Variants in SGTA observed in about 807,000 individuals in gnomAD.
The protein encoded by SGTA is small glutamine rich tetratricopeptide repeat co-chaperone alpha, also known as small glutamine-rich tetratricopeptide repeat-containing protein alpha.
In SGTA, 22 loss-of-function variants were observed where a neutral mutation model predicts 44.3. The ratio of observed to expected loss-of-function variants is 0.50; its 90% CI spans 0.36 to 0.71. The LOEUF is 0.71. Among genes scored for constraint, SGTA ranks in the 30% least tolerant of loss-of-function variants. The pLI is 0.00. For missense variants in SGTA, 341 were observed against 435.9 expected (o/e 0.78, Z 1.94); for synonymous variants, 174 against 177.6 (o/e 0.98, Z 0.16).
rs1915059515 is a variant in SGTA at position 2,763,536 on chromosome 19, A to C, written c.497+117T>G. 1 of 687,480 alleles carries C rather than the reference A, an allele frequency of 1.5e-6. No individual in the cohort carries two copies. Among genetic ancestry groups the C allele is most frequent in the Non-Finnish European group, 2.5e-6 (1 of 405,822 alleles). 42.6% of individuals were successfully genotyped at this position (687,480 alleles called of 1,614,324 possible). ...AACAGCTAGTGTCAGAGTTGAACTG[A>C]ACCGGGGTGGGAGAATTCGTTGTGG... On this transcript the variant is annotated intron_variant, in intron 6 of 11. Transcript: ENST00000221566. This position sits in a 1 kb window ranked among gnomAD's most constrained non-coding sequence, Gnocchi z 5.8.
In SGTA at chr19:2,774,322, G is replaced by A. The variant is rs149541018; in HGVS notation, c.-23-5231C>T. Among the ~76,000 whole-genome samples, 44 of 152,290 alleles carry A rather than the reference G, an allele frequency of 2.9e-4. No homozygotes were observed. In the East Asian group the frequency reaches 8.3e-3, roughly 29 times the overall value. ...ATCACATAGACAGGAGAACAAACGG[G>A]CTGTCATCACACGGAAGGGAGCAGT... On this transcript the variant is annotated intron_variant, in intron 1 of 11. Transcript: ENST00000221566.
chr19:2,759,130 G>C (rs1914912343), intron 9 of SGTA, 127 bp downstream of exon 9: 2 of 801,516 alleles, frequency 2.5e-6, no homozygotes, highest in East Asian at 4.9e-5. Context: ...TTGCATGACA[G>C]TGTGAAAGTC....
chr19:2,767,306 G>A lies in SGTA; in HGVS notation c.208-86C>T. Reference sequence around the variant, plus strand: ...TTAGCTTCCCTCGGGACGCCAGAGAGGGCCACCAAGTTCCGAAGGACCCGG... The same window carrying A: ...TTAGCTTCCCTCGGGACGCCAGAGAAGGCCACCAAGTTCCGAAGGACCCGG... On this transcript the variant is annotated intron_variant, in intron 3 of 11. Transcript: ENST00000221566. This position sits in a 1 kb window ranked among gnomAD's most constrained non-coding sequence, Gnocchi z 7.3. 3.7e-6 allele frequency: 4 copies of A among 1,092,134 alleles called. No homozygotes were observed. The highest frequency in any genetic ancestry group is 5.3e-6 in the Non-Finnish European group (4 of 748,482). 67.7% of individuals were successfully genotyped at this position (1,092,134 alleles called of 1,614,324 possible).
chr19:2,778,839 AAGG>A (rs937822759), intron 1 of SGTA, among the ~76,000 whole-genome samples: 4 of 152,222 alleles, frequency 2.6e-5, no homozygotes, highest in African/African-American at 9.7e-5. Context: ...GAGAGGGAGC[AAGG>A]AGGTGAATCC....
chr19:2,782,586 G>C (rs1372771904), intron 1 of SGTA: 1 of 152,204 alleles, frequency 6.6e-6, no homozygotes, highest in Non-Finnish European at 1.5e-5. Flanking sequence ...TTACACAGCG[G>C]GTGGGAGGTG....
chr19:2,762,474 G>A (rs762267889), intron 7 of SGTA, 32 bp downstream of exon 7: 30 of 1,611,772 alleles, frequency 1.9e-5, no homozygotes, highest in South Asian at 1.4e-4. Context: ...TCAGCTCGGC[G>A]TTCTGGAGCC....
At chr19:2,762,427 A>T in intron 7 of SGTA, 79 bp downstream of exon 7, 1 of 1,458,842 alleles carries the variant, frequency 6.9e-7, no homozygotes, top group South Asian at 1.2e-5. Flanking sequence ...GCCTAGAGCC[A>T]CTGGTGCGCC....
rs1241277428 is a variant in SGTA at position 2,761,416 on chromosome 19, G to C, written c.699+44C>G. The C allele has an allele frequency of 9.3e-6, 14 of 1,498,154 alleles. No homozygotes were observed. The East Asian group carries it at 1.7e-4, about 18-fold the overall frequency. 92.8% of individuals were successfully genotyped at this position (1,498,154 alleles called of 1,614,324 possible). ...GGACACAGCAGATGCGGGCCTGGGGGGTGGCGCAGACACCATGGACAGGGA... is the reference window on the plus strand; with the variant it reads ...GGACACAGCAGATGCGGGCCTGGGGCGTGGCGCAGACACCATGGACAGGGA... On this transcript the variant is annotated intron_variant, in intron 8 of 11. Coordinates refer to ENST00000221566, the MANE Select transcript of SGTA (RefSeq NM_003021.4). This position sits in a 1 kb window ranked among gnomAD's most constrained non-coding sequence, Gnocchi z 5.7.
intron 1 of SGTA, among the ~76,000 whole-genome samples, chr19:2,771,708 C>T (rs1047700538): frequency 3.3e-5 from 5 of 152,208 alleles, no homozygotes; most frequent in South Asian, 2.1e-4. Context: ...ATTCCAGAAA[C>T]GCTGCCCGGC....
chr19:2,771,755 C>T (rs1915316608), intron 1 of SGTA, among the ~76,000 whole-genome samples: 2 of 152,270 alleles, frequency 1.3e-5, no homozygotes, highest in South Asian at 4.1e-4. Flanking sequence ...AGAACCTGCT[C>T]TGAGGCCAGA....
chr19:2,759,405 C>A (rs1914921400), intron 8 of SGTA, 111 bp from the exon 9 acceptor site: 1 of 975,732 alleles, frequency 1.0e-6, no homozygotes, highest in Non-Finnish European at 1.6e-6. Flanking sequence ...AGCACGCCAA[C>A]CAACAGTAAG....
At chr19:2,779,890 C>T (rs1915532582) in intron 1 of SGTA, among the ~76,000 whole-genome samples, 2 of 151,852 alleles carry the variant, frequency 1.3e-5, no homozygotes, top group African/African-American at 2.4e-5. Flanking sequence ...TTGGGCAATA[C>T]AGTGTATAGT....
chr19:2,767,286 T>G lies in SGTA; in HGVS notation c.208-66A>C. 12 of 1,269,388 alleles carry G rather than the reference T, an allele frequency of 9.5e-6. No homozygotes were observed. Among genetic ancestry groups the G allele is most frequent in the South Asian group, 1.3e-5 (1 of 78,000 alleles). 78.6% of individuals were successfully genotyped at this position (1,269,388 alleles called of 1,614,324 possible). ...CAACCTGGCACCCTCCGGCCTTAGC[T>G]TCCCTCGGGACGCCAGAGAGGGCCA... On this transcript the variant is annotated intron_variant, in intron 3 of 11. Coordinates refer to ENST00000221566, the MANE Select transcript of SGTA (RefSeq NM_003021.4). This position sits in a 1 kb window ranked among gnomAD's most constrained non-coding sequence, Gnocchi z 7.3.
chr19:2,763,680 G>A lies in SGTA; in HGVS notation c.470C>T (p.Ala157Val). ...DCERAICIDP[A>V]YSKAYGRMGL... Reference sequence around the variant, plus strand: ...CATCCTGCCGTAGGCCTTGCTGTAGGCCGGGTCAATGCAGATGGCCCGCTC... The same window carrying A: ...CATCCTGCCGTAGGCCTTGCTGTAGACCGGGTCAATGCAGATGGCCCGCTC... The change falls in exon 6 of 12, where the codon GCC (alanine) becomes GTC (valine). Residue 157 changes from alanine (A) to valine (V), a missense_variant. By Grantham distance (64) the Ala-to-Val change is moderately conservative (BLOSUM62 0). Transcript: ENST00000221566. The surrounding 1 kb of genome is among the most constrained non-coding windows in gnomAD (Gnocchi z 5.8). 6.2e-7 allele frequency: 1 copy of A among 1,613,564 alleles called. No individual in the cohort carries two copies. Among genetic ancestry groups the A allele is most frequent in the Non-Finnish European group, 8.5e-7 (1 of 1,179,820 alleles).
intron 5 of SGTA, among the ~76,000 whole-genome samples, chr19:2,764,784 T>G (rs1015705717): frequency 2.6e-5 from 4 of 152,042 alleles, no homozygotes; most frequent in Non-Finnish European, 4.4e-5. Flanking sequence ...CAGGCTGGTC[T>G]TGAACTCTCA....
At chr19:2,778,604 G>T (rs1915499290) in intron 1 of SGTA, among the ~76,000 whole-genome samples, 1 of 151,578 alleles carries the variant, frequency 6.6e-6, no homozygotes, top group African/African-American at 2.4e-5. Flanking sequence ...AAGTGCCCCA[G>T]CTTAGACACC....
At position 2,767,766 on chromosome 19, in the gene SGTA, T is replaced by A; in HGVS notation, c.101-80A>T. 9.6e-7 allele frequency: 1 copy of A among 1,043,986 alleles called. No homozygotes were observed. Among genetic ancestry groups the A allele is most frequent in the Non-Finnish European group, 1.5e-6 (1 of 674,854 alleles). The allele number at this position is 1,043,986 out of a possible 1,614,324, so 64.7% of individuals were successfully genotyped here. On this transcript the variant is annotated intron_variant, in intron 2 of 11. Transcript: ENST00000221566. This position sits in a 1 kb window ranked among gnomAD's most constrained non-coding sequence, Gnocchi z 7.3. Reference sequence around the variant, plus strand: ...TTTTGGGTCTAGAGGGCGGGGTTGGTGCTCATGCTTCCCCAGGTGTGTTCA... The same window carrying A: ...TTTTGGGTCTAGAGGGCGGGGTTGGAGCTCATGCTTCCCCAGGTGTGTTCA...
Position 2,762,483 on chromosome 19 carries a change from CCACTCGCCCCCGCTG to C in SGTA, c.636+8_636+22del. 6.2e-7 allele frequency: 1 copy of C among 1,612,796 alleles called. No homozygotes were observed. The highest frequency in any genetic ancestry group is 8.5e-7 in the Non-Finnish European group (1 of 1,179,458). Reference sequence around the variant, plus strand: ...ACACAGTCAGCTCGGCGTTCTGGAGCCACTCGCCCCCGCTGCACTCACGGGGCTGGGGGCCTCCCG... The same window carrying C: ...ACACAGTCAGCTCGGCGTTCTGGAGCCACTCACGGGGCTGGGGGCCTCCCG... On this transcript the variant is annotated splice_region_variant and intron_variant, in intron 7 of 11. Coordinates refer to ENST00000221566, the MANE Select transcript of SGTA (RefSeq NM_003021.4).
chr19:2,768,675 A>G (rs1915216884), intron 2 of SGTA, among the ~76,000 whole-genome samples: 1 of 152,206 alleles, frequency 6.6e-6, no homozygotes, highest in African/African-American at 2.4e-5. Flanking sequence ...AACATTCCAG[A>G]ACACACCTTG....
Sources: gnomAD v4.1 joint callset for allele counts (sites outside exome capture counted in the v4.1 genomes callset) on GRCh38, gnomAD v4.1.1 for gene constraint, Gnocchi (gnomAD v3.1) non-coding constraint, MANE v1.5 for transcripts, NCBI Gene and HGNC (gene_info 2026-07-23, HGNC 2026-07-21) for gene names.